The following PCNX2 variants were observed in gnomAD, a reference collection of about 807,000 sequenced individuals.
The protein encoded by PCNX2 is pecanex 2, also known as pecanex-like protein 2.
In PCNX2, 168 loss-of-function variants were observed where a neutral mutation model predicts 223.8. The observed-to-expected ratio is 0.75, with a 90% confidence interval of 0.66 to 0.85. The LOEUF is 0.85. Ranked by LOEUF, PCNX2 falls within the 40% of genes least tolerant of loss-of-function variation. The probability of loss-of-function intolerance (pLI) is 0.00; values close to 1 mark genes in which losing one functional copy is unlikely to be tolerated. For synonymous variants in PCNX2, 1,006 were observed against 1,052.6 expected, an observed-to-expected ratio of 0.96 and a Z score of 0.86; for missense variants, 2,507 against 2,675.5, an observed-to-expected ratio of 0.94 and a Z score of 1.39.
chr1:233,317,996 A>G, the PCNX2 span, among the ~76,000 whole-genome samples: 1 of 152,176 alleles, frequency 6.6e-6, no homozygotes, highest in African/African-American at 2.4e-5. Flanking sequence ...GGTTACACCA[A>G]ATTATACCAC....
At chr1:233,026,357 A>T (rs1671080552) in intron 25 of PCNX2, among the ~76,000 whole-genome samples, 1 of 152,214 alleles carries the variant, frequency 6.6e-6, no homozygotes, top group African/African-American at 2.4e-5. Context: ...GTGGGAAAGT[A>T]GTAGATGAAG....
chr1:233,185,477 A>T (rs986658360), intron 15 of PCNX2, among the ~76,000 whole-genome samples: 1 of 152,210 alleles, frequency 6.6e-6, no homozygotes, highest in African/African-American at 2.4e-5. Context: ...TCATTTAAAA[A>T]AAAAGGTTAG....
intron 23 of PCNX2, among the ~76,000 whole-genome samples, chr1:233,078,685 T>C (rs1193225983): frequency 6.6e-6 from 1 of 152,190 alleles, no homozygotes; most frequent in Non-Finnish European, 1.5e-5. Flanking sequence ...CGTTCAACGC[T>C]TCCCTGCAGT....
At chr1:233,015,400 T>A (rs1000305512) in intron 27 of PCNX2, among the ~76,000 whole-genome samples, 30 of 152,094 alleles carry the variant, frequency 2.0e-4, no homozygotes, top group South Asian at 4.1e-4. Flanking sequence ...AAAATTTTTT[T>A]AAAAAATTAG....
At chr1:233,167,177 T>A (rs1468862077) in intron 17 of PCNX2, among the ~76,000 whole-genome samples, 1 of 152,050 alleles carries the variant, frequency 6.6e-6, no homozygotes, top group Admixed American at 6.6e-5. Context: ...ATAAAGAAAT[T>A]CTAATATAAA....
At chr1:233,074,884 C>T (rs1673025143) in intron 23 of PCNX2, among the ~76,000 whole-genome samples, 1 of 151,942 alleles carries the variant, frequency 6.6e-6, no homozygotes, top group Non-Finnish European at 1.5e-5. Context: ...CACTGTATAC[C>T]CCTCAGAATG....
the PCNX2 span, among the ~76,000 whole-genome samples, chr1:233,309,939 A>G: frequency 6.6e-6 from 1 of 152,308 alleles, no homozygotes; most frequent in East Asian, 1.9e-4. Context: ...CAACCAAAAG[A>G]AGGATTCAAT....
chr1:233,319,955 A>AT, the PCNX2 span, among the ~76,000 whole-genome samples: 1 of 152,216 alleles, frequency 6.6e-6, no homozygotes, highest in East Asian at 1.9e-4. Context: ...GTTGACTGGT[A>AT]TTGTTTCATA....
chr1:233,314,000 C>T, the PCNX2 span, among the ~76,000 whole-genome samples: 60 of 152,262 alleles, frequency 3.9e-4, no homozygotes, highest in African/African-American at 1.3e-3. Context: ...GAATCCCATT[C>T]GCAGGAATTT....
intron 1 of PCNX2, among the ~76,000 whole-genome samples, chr1:233,285,935 A>T (rs1318294441): frequency 1.3e-5 from 2 of 152,230 alleles, no homozygotes; most frequent in Non-Finnish European, 2.9e-5. Flanking sequence ...ATGTTCCATC[A>T]AGAGGGACAA....
At position 233,135,985 on chromosome 1, in the gene PCNX2, C is replaced by G. The variant is rs1676779899; in HGVS notation, c.3660-795G>C. On this transcript the variant is annotated intron_variant, in intron 20 of 33. Coordinates refer to ENST00000258229, the MANE Select transcript of PCNX2 (RefSeq NM_014801.4). The stretch of plus-strand genomic sequence containing the variant: ...TAAGGAGTCAGATTATTATTATTTA[C>G]CCATGTAGGGAGTATGTGTCATGTG... 3.3e-5 allele frequency among the ~76,000 whole-genome samples: 5 copies of G among 152,164 alleles called. No homozygotes were observed. In the South Asian group the frequency reaches 1.0e-3, roughly 32 times the overall value.
In PCNX2 at chr1:232,990,351, G is replaced by A. The variant is rs930977332; in HGVS notation, c.5792-3811C>T. Among the ~76,000 whole-genome samples the A allele has an allele frequency of 2.6e-5, 4 of 152,162 alleles. No homozygotes were observed. The highest frequency in any genetic ancestry group is 1.9e-4 in the East Asian group (1 of 5,186). On this transcript the variant is annotated intron_variant, in intron 32 of 33. Transcript: ENST00000258229. The surrounding 1 kb of genome is among the most constrained non-coding windows in gnomAD (Gnocchi z 4.3). Reference sequence around the variant, plus strand: ...AGGGGAATGAAAGCTCTGTGCTCCCGGTCGCAGTCAGTGCTAGAGAGCCTT... The same window carrying A: ...AGGGGAATGAAAGCTCTGTGCTCCCAGTCGCAGTCAGTGCTAGAGAGCCTT...
intron 8 of PCNX2, among the ~76,000 whole-genome samples, chr1:233,245,162 T>C (rs1659034122): frequency 6.6e-6 from 1 of 152,232 alleles, no homozygotes; most frequent in African/African-American, 2.4e-5. Context: ...AATGATTCAT[T>C]TGATTTAATC....
chr1:233,225,112 A>T lies in PCNX2; in HGVS notation c.2504+2114T>A, dbSNP rs74892920. Among the ~76,000 whole-genome samples, 617 of 108,188 alleles carry T rather than the reference A, an allele frequency of 5.7e-3. 12 individuals are homozygous for T. Among genetic ancestry groups the T allele is most frequent in the African/African-American group, 0.018 (554 of 30,522 alleles). The allele number at this position is 108,188 out of a possible 152,430, so 71.0% of individuals were successfully genotyped here. A position where few individuals can be genotyped will look rare whatever the true frequency, so the allele number is the denominator to read the frequency against. Reference sequence around the variant, plus strand: ...GCACATGTATCCCAGAACTAAAGTAAAAAAAAAAAAAAAAAAAAAAAAAAA... The same window carrying T: ...GCACATGTATCCCAGAACTAAAGTATAAAAAAAAAAAAAAAAAAAAAAAAA... On this transcript the variant is annotated intron_variant, in intron 10 of 33. Coordinates refer to ENST00000258229, the MANE Select transcript of PCNX2 (RefSeq NM_014801.4).
chr1:233,247,079 A>C (rs1659166368), intron 8 of PCNX2, among the ~76,000 whole-genome samples: 1 of 152,216 alleles, frequency 6.6e-6, no homozygotes. Context: ...TATCCACCCT[A>C]AGCCTGTCAG....
the PCNX2 span, among the ~76,000 whole-genome samples, chr1:233,322,712 G>A: frequency 6.6e-6 from 1 of 152,124 alleles, no homozygotes; most frequent in East Asian, 1.9e-4. Context: ...CAGCCAGCAT[G>A]AATGAAACGG....
chr1:233,102,737 G>A (rs190238381), intron 21 of PCNX2, among the ~76,000 whole-genome samples: 2 of 152,110 alleles, frequency 1.3e-5, no homozygotes, highest in Admixed American at 6.5e-5. Flanking sequence ...TTAGTTGTTT[G>A]AGTTCCTAAT....
At chr1:233,034,497 T>G (rs1472103488) in intron 25 of PCNX2, among the ~76,000 whole-genome samples, 1 of 152,208 alleles carries the variant, frequency 6.6e-6, no homozygotes, top group Admixed American at 6.5e-5. Flanking sequence ...ATGGTATAGT[T>G]GATGCAGCAG....
rs145216631 is a variant in PCNX2, at chr1:233,105,538, A to C, written c.3838-9675T>G. ...CAGAAGAGTGAAAAGAAAATTACTAAGGGAGACTAAAATATAAGGAGAGAG... is the reference window on the plus strand; with the variant it reads ...CAGAAGAGTGAAAAGAAAATTACTACGGGAGACTAAAATATAAGGAGAGAG... On this transcript the variant is annotated intron_variant, in intron 21 of 33. Transcript: ENST00000258229. 2.4e-3 allele frequency among the ~76,000 whole-genome samples: 368 copies of C among 152,334 alleles called. 2 individuals are homozygous for C. The highest frequency in any genetic ancestry group is 8.6e-3 in the African/African-American group (357 of 41,584).
Sources: gnomAD v4.1 joint callset for allele counts (sites outside exome capture counted in the v4.1 genomes callset) on GRCh38, gnomAD v4.1.1 for gene constraint, Gnocchi (gnomAD v3.1) non-coding constraint, MANE v1.5 for transcripts, NCBI Gene and HGNC (gene_info 2026-07-23, HGNC 2026-07-21) for gene names.